Variants in SGSM1 observed in about 807,000 individuals in gnomAD.
SGSM1 encodes small G protein signaling modulator 1, also known as RUN and TBC1 domain containing 2.
A neutral mutation model predicts 133.8 loss-of-function variants in SGSM1; 73 were observed. The ratio of observed to expected loss-of-function variants is 0.55; its 90% CI spans 0.45 to 0.66. The LOEUF (loss-of-function observed/expected upper bound fraction) is 0.66, where lower values mean the gene tolerates loss of function less well. Ranked by LOEUF, SGSM1 falls within the 30% of genes least tolerant of loss-of-function variation. SGSM1 has a pLI of 0.00. For synonymous variants in SGSM1, 563 were observed against 573.0 expected, an observed-to-expected ratio of 0.98 and a Z score of 0.25; for missense variants, 1,213 against 1,448.1, an observed-to-expected ratio of 0.84 and a Z score of 2.64.
Position 24,898,176 on chromosome 22 carries a change from C to A in SGSM1, c.2227C>A (p.Arg743=), listed in dbSNP as rs535041194. Reference sequence around the variant, plus strand: ...AGAAGACAGTGTCTTGGACGCCCAGCGGAACACCCCCACGGTGCTGCGACC... The same window carrying A: ...AGAAGACAGTGTCTTGGACGCCCAGAGGAACACCCCCACGGTGCTGCGACC... ...STEDSVLDAQ[R]NTPTVLRPRD... Residue 743 remains arginine (R), a synonymous_variant, in exon 19 of 25, where the codon CGG becomes AGG. Transcript: ENST00000400358. 1 of 1,613,840 alleles carries A rather than the reference C, an allele frequency of 6.2e-7. No homozygotes were observed. The highest frequency in any genetic ancestry group is 8.5e-7 in the Non-Finnish European group (1 of 1,179,892).
rs1317040010 is a variant in SGSM1 at position 24,869,946 on chromosome 22, A to G, written c.1291+1091A>G. Among the ~76,000 whole-genome samples the G allele has an allele frequency of 6.6e-5, 10 of 152,346 alleles. No homozygotes were observed. In the East Asian group the frequency reaches 1.9e-3, roughly 29 times the overall value. ...GAAGCATTGTATGGGTGTCTGTTAA[A>G]CAAATCAGTATTGAGTGGTAGGTTC... On this transcript the variant is annotated intron_variant, in intron 12 of 24. Coordinates refer to ENST00000400358, the MANE Select transcript of SGSM1 (RefSeq NM_001098497.3).
In SGSM1 at chr22:24,879,418, T is replaced by C. The variant is rs376929762; in HGVS notation, c.1431-44T>C. On this transcript the variant is annotated intron_variant, in intron 13 of 24. Transcript: ENST00000400358. ...TATCCTCTCCAGAAAATCTGGGCTG[T>C]GTTTGGATCTATTCTAAGCATCTCC... 6 of 1,598,058 alleles carry C rather than the reference T, an allele frequency of 3.8e-6. No homozygotes were observed. The African/African-American group carries it at 8.0e-5, about 21-fold the overall frequency.
intron 2 of SGSM1, among the ~76,000 whole-genome samples, chr22:24,837,590 C>CCCCCCG (rs56789530): frequency 1.0e-4 from 14 of 137,062 alleles, no homozygotes; most frequent in African/African-American, 4.3e-4. Flanking sequence ...CCCCCCCCCC[C>CCCCCCG]CTTTCCCAGT....
chr22:24,915,882 T>C (rs1392744393), intron 22 of SGSM1, among the ~76,000 whole-genome samples: 1 of 152,192 alleles, frequency 6.6e-6, no homozygotes, highest in African/African-American at 2.4e-5. Context: ...TCATTTGGAT[T>C]GTGAAGTGCC....
chr22:24,879,515 C>T lies in SGSM1; in HGVS notation c.1484C>T (p.Ala495Val), dbSNP rs1932207981. Residue 495 changes from alanine (A) to valine (V), a missense_variant, in exon 14 of 25, where the codon GCC becomes GTC. Transcript: ENST00000400358. ...DNMKYQILSR[A>V]FYGWLAYCRH... ...ATGAAGTACCAGATCCTCTCCAGAGCCTTCTATGGATGTACGTATAGGGCT... is the reference window on the plus strand; with the variant it reads ...ATGAAGTACCAGATCCTCTCCAGAGTCTTCTATGGATGTACGTATAGGGCT... 1 of 1,613,492 alleles carries T rather than the reference C, an allele frequency of 6.2e-7. No homozygotes were observed. Among genetic ancestry groups the T allele is most frequent in the African/African-American group, 1.3e-5 (1 of 74,940 alleles).
At chr22:24,924,064 C>A in intron 24 of SGSM1, 122 bp from the exon 25 acceptor site, 1 of 817,018 alleles carries the variant, frequency 1.2e-6, no homozygotes, top group Non-Finnish European at 2.0e-6. Flanking sequence ...TTCTCCAGGG[C>A]CTCTGCTTCC....
intron 19 of SGSM1, among the ~76,000 whole-genome samples, chr22:24,900,502 C>T (rs1279279618): frequency 2.0e-5 from 3 of 151,922 alleles, no homozygotes; most frequent in Non-Finnish European, 4.4e-5. Context: ...CGGGTTCAAG[C>T]GATTCTCCTG....
chr22:24,848,885 G>A (rs574949347), intron 4 of SGSM1, among the ~76,000 whole-genome samples: 16 of 152,332 alleles, frequency 1.1e-4, no homozygotes, highest in South Asian at 6.2e-4. Context: ...TGGCCAGAAC[G>A]GTATGGTGGT....
chr22:24,898,524 G>T lies in SGSM1; in HGVS notation c.2575G>T (p.Val859Leu), dbSNP rs1160670314. The change falls in exon 19 of 25, where the codon GTG (valine) becomes TTG (leucine). Residue 859 changes from valine (V) to leucine (L), a missense_variant. Transcript: ENST00000400358. ...SLAVTTSANE[V>L]SPVSSSGVTY... ...GGCTGTGACTACTTCTGCCAACGAG[G>T]TGTCCCCTGTGTCTTCCAGCGGCGT... 1.9e-6 allele frequency: 3 copies of T among 1,611,254 alleles called. No homozygotes were observed. The highest frequency in any genetic ancestry group is 2.5e-6 in the Non-Finnish European group (3 of 1,178,336).
intron 2 of SGSM1, among the ~76,000 whole-genome samples, chr22:24,810,061 G>C (rs1018716175): frequency 6.6e-6 from 1 of 152,188 alleles, no homozygotes; most frequent in African/African-American, 2.4e-5. Context: ...CCGGAGCAGA[G>C]ACAAAGGAGA....
At chr22:24,905,280 G>T in intron 21 of SGSM1, 93 bp downstream of exon 21, 1 of 1,281,098 alleles carries the variant, frequency 7.8e-7, no homozygotes. Context: ...TCTGTAGAAT[G>T]TGGCTCCAGC....
intron 22 of SGSM1, among the ~76,000 whole-genome samples, chr22:24,914,999 C>T (rs1449259937): frequency 6.6e-6 from 1 of 152,040 alleles, no homozygotes; most frequent in African/African-American, 2.4e-5. Flanking sequence ...GAGGCTGAGG[C>T]GGGCGGATCA....
At chr22:24,903,384 A>G (rs1214380820) in intron 20 of SGSM1, among the ~76,000 whole-genome samples, 2 of 151,270 alleles carry the variant, frequency 1.3e-5, no homozygotes, top group Non-Finnish European at 2.9e-5. Flanking sequence ...AATTTTTTGT[A>G]TTGTAGTAGA....
At chr22:24,814,476 C>T (rs938209728) in intron 2 of SGSM1, among the ~76,000 whole-genome samples, 3 of 151,892 alleles carry the variant, frequency 2.0e-5, no homozygotes, top group African/African-American at 7.3e-5. Context: ...GCACAATCCT[C>T]CTCTGTATCA....
chr22:24,913,193 T>A (rs1231593981), intron 22 of SGSM1, among the ~76,000 whole-genome samples: 4 of 148,322 alleles, frequency 2.7e-5, no homozygotes, highest in Admixed American at 6.9e-5. Context: ...CTCTGGAGGC[T>A]GAGGCAGGAG....
intron 21 of SGSM1, among the ~76,000 whole-genome samples, chr22:24,905,788 C>CAAAA (rs539155528): frequency 1.1e-5 from 1 of 88,538 alleles, no homozygotes; most frequent in Non-Finnish European, 2.5e-5. Flanking sequence ...GACTCTGTCT[C>CAAAA]AAAAAAAAAA....
At chr22:24,922,179 C>CTTTTTTTTTTTTT (rs140795501) in intron 24 of SGSM1, among the ~76,000 whole-genome samples, 1 of 106,842 alleles carries the variant, frequency 9.4e-6, no homozygotes, top group Non-Finnish European at 1.8e-5. Context: ...CACTTACTTT[C>CTTTTTTTTTTTTT]TTTTTTTTTT....
intron 2 of SGSM1, among the ~76,000 whole-genome samples, chr22:24,809,214 A>G (rs1377777470): frequency 1.3e-5 from 2 of 152,172 alleles, no homozygotes; most frequent in Non-Finnish European, 2.9e-5. Context: ...AGTGTCAGAG[A>G]GCCAGTCTCT....
chr22:24,886,472 G>T, intron 15 of SGSM1, 128 bp from the exon 16 acceptor site: 1 of 1,245,492 alleles, frequency 8.0e-7, no homozygotes, highest in South Asian at 1.5e-5. Flanking sequence ...GGGAGGCCAA[G>T]GCGGGCAGAT....
Sources: gnomAD v4.1 joint callset for allele counts (sites outside exome capture counted in the v4.1 genomes callset) on GRCh38, gnomAD v4.1.1 for gene constraint, MANE v1.5 for transcripts, NCBI Gene and HGNC (gene_info 2026-07-23, HGNC 2026-07-21) for gene names.